S100A13: variants seen among roughly 807,000 people sequenced by gnomAD.
S100A13 encodes S100 calcium binding protein A13.
In S100A13, 6 loss-of-function variants were observed where a neutral mutation model predicts 8.2. That is an observed-to-expected ratio of 0.73 (90% CI 0.40 to 1.44). The LOEUF (loss-of-function observed/expected upper bound fraction) is 1.44, where lower values mean the gene tolerates loss of function less well. Ranked by LOEUF, S100A13 falls within the 40% of genes most tolerant of loss-of-function variation. S100A13 has a pLI of 0.02. For missense variants in S100A13, 114 were observed against 113.6 expected (o/e 1.00, Z -0.02); for synonymous variants, 39 against 45.9 (o/e 0.85, Z 0.61).
chr1:153,628,111 C>T (rs1259511184), upstream of S100A13: 3 of 1,548,634 alleles, frequency 1.9e-6, no homozygotes, highest in South Asian at 1.2e-5. Flanking sequence ...CAGCAGAATT[C>T]CCCCCTTACC....
In S100A13 at chr1:153,626,497, GTCC is replaced by G. The variant is rs1333077533; in HGVS notation, c.-28_-26del. 1 of 1,611,434 alleles carries G rather than the reference GTCC, an allele frequency of 6.2e-7. No homozygotes were observed. Among genetic ancestry groups the G allele is most frequent in the Non-Finnish European group, 8.5e-7 (1 of 1,177,912 alleles). On this transcript the variant is annotated 5_prime_UTR_variant, in exon 2 of 3. Transcript: ENST00000476133. ...TTAGGACCCTGAGGCCAAAGCTGAT[GTCC>G]TCAAGGGGCTAGCTGACCTTTGTCA... is the stretch of plus-strand genomic sequence containing the variant.
rs1369271458 is a variant in S100A13 at position 153,626,668 on chromosome 1, CA to C, written c.-61-136del. On this transcript the variant is annotated intron_variant, in intron 1 of 2. Coordinates refer to ENST00000476133, the MANE Select transcript of S100A13 (RefSeq NM_001024211.2). The stretch of plus-strand genomic sequence containing the variant: ...GGCATATGGGGAAAGAGGGAGAGGA[CA>C]GGGGTTGAGCTTGGGGCAGCAGACC... 2.4e-5 allele frequency: 13 copies of C among 546,642 alleles called. No homozygotes were observed. In the East Asian group the frequency reaches 3.8e-4, roughly 16 times the overall value. 33.9% of individuals were successfully genotyped at this position (546,642 alleles called of 1,614,324 possible). A position where few individuals can be genotyped will look rare whatever the true frequency, so the allele number is the denominator to read the frequency against.
intron 2 of S100A13, among the ~76,000 whole-genome samples, chr1:153,621,888 G>T (rs9330301): frequency 0.61 from 92,074 of 151,466 alleles, 28,621 homozygotes; most frequent in African/African-American, 0.73. Flanking sequence ...AAAAAAAATT[G>T]AAGTTCCATT....
At chr1:153,628,443 T>C (rs1262372144), upstream of S100A13, 18 of 1,550,592 alleles carry the variant, frequency 1.2e-5, no homozygotes, top group Non-Finnish European at 1.6e-5. Context: ...CAGCCACATT[T>C]GCAACCTTGG....
chr1:153,621,871 T>G (rs1343610629), intron 2 of S100A13, among the ~76,000 whole-genome samples: 4 of 136,776 alleles, frequency 2.9e-5, no homozygotes, highest in Non-Finnish European at 4.8e-5. Flanking sequence ...TCAAAAAAAT[T>G]AAAAAAAAAA....
intron 2 of S100A13, among the ~76,000 whole-genome samples, chr1:153,620,457 TAA>T (rs753773428): frequency 6.8e-5 from 6 of 88,002 alleles, no homozygotes; most frequent in Admixed American, 3.8e-4. Flanking sequence ...TGAGACTATC[TAA>T]AAAAAAAAAA....
chr1:153,626,260 C>T (rs1219027382), intron 2 of S100A13, 60 bp downstream of exon 2: 2 of 1,524,878 alleles, frequency 1.3e-6, no homozygotes, highest in Non-Finnish European at 1.8e-6. Context: ...CCATCACGTC[C>T]TAAACACAGT....
At chr1:153,620,456 C>CT (rs1553223275) in intron 2 of S100A13, among the ~76,000 whole-genome samples, 5 of 127,042 alleles carry the variant, frequency 3.9e-5, no homozygotes, top group Non-Finnish European at 6.4e-5. Flanking sequence ...GTGAGACTAT[C>CT]TAAAAAAAAA....
rs1196650064 is a variant in S100A13, at chr1:153,618,990, C to G, written c.202G>C (p.Asp68His). ...TACTCATTGAACTTGAGCTCCGAGT[C>G]CTGATTCACATCCAAGCTCTTCATC... ...EKMKSLDVNQDSELKFNEYWR... is the reference protein window; with the variant it reads ...EKMKSLDVNQHSELKFNEYWR... Residue 68 changes from aspartate to histidine, a missense_variant, in exon 3 of 3, where the codon GAC becomes CAC. Physicochemically the swap from Asp to His is moderately conservative, Grantham distance 81. Transcript: ENST00000476133. 2 of 1,613,870 alleles carry G rather than the reference C, an allele frequency of 1.2e-6. No individual in the cohort carries two copies. Among genetic ancestry groups the G allele is most frequent in the Non-Finnish European group, 8.5e-7 (1 of 1,179,800 alleles).
At chr1:153,629,803 C>T (rs374672170), upstream of S100A13, 2 of 152,382 alleles carry the variant, frequency 1.3e-5, no homozygotes, top group Non-Finnish European at 2.9e-5. Flanking sequence ...CTGCCACCCA[C>T]CAGATGGAAG....
chr1:153,631,979 C>A, upstream of S100A13: 1 of 949,488 alleles, frequency 1.1e-6, no homozygotes, highest in South Asian at 1.7e-5. Flanking sequence ...ACCAAGGGCG[C>A]AAGAGTAGCG....
At chr1:153,630,694 T>A, upstream of S100A13, 1 of 1,609,478 alleles carries the variant, frequency 6.2e-7, no homozygotes, top group Non-Finnish European at 8.5e-7. Flanking sequence ...GGGAGTGGAG[T>A]GGGTGAAGGT....
chr1:153,624,362 G>A (rs570274614), intron 2 of S100A13, among the ~76,000 whole-genome samples: 2 of 152,270 alleles, frequency 1.3e-5, no homozygotes, highest in Admixed American at 1.3e-4. Flanking sequence ...AAGCAGTGAT[G>A]AGAAGAAAAC....
intron 2 of S100A13, among the ~76,000 whole-genome samples, chr1:153,625,595 C>T (rs1181332565): frequency 6.6e-6 from 1 of 152,218 alleles, no homozygotes; most frequent in Non-Finnish European, 1.5e-5. Flanking sequence ...AAGCCCCTTT[C>T]CACTGCTAGG....
chr1:153,632,619 T>A (rs1024935363), upstream of S100A13, among the ~76,000 whole-genome samples: 1 of 152,098 alleles, frequency 6.6e-6, no homozygotes, highest in African/African-American at 2.4e-5. Context: ...TGGTACTATG[T>A]GTAAACACTG....
At chr1:153,622,532 C>T (rs1667336445) in intron 2 of S100A13, among the ~76,000 whole-genome samples, 1 of 152,176 alleles carries the variant, frequency 6.6e-6, no homozygotes, top group Admixed American at 6.5e-5. Flanking sequence ...AAGGATTGGG[C>T]TGGGCATAGT....
upstream of S100A13, chr1:153,630,273 C>A (rs1374859023): frequency 5.5e-6 from 3 of 546,758 alleles, no homozygotes; most frequent in Non-Finnish European, 9.5e-6. Context: ...CATGCCCCAA[C>A]CCTGATTCCC....
At chr1:153,625,323 T>G (rs1667543817) in intron 2 of S100A13, among the ~76,000 whole-genome samples, 1 of 152,232 alleles carries the variant, frequency 6.6e-6, no homozygotes. Flanking sequence ...GGAGTCCATA[T>G]TCACACACTT....
rs529894212 is a variant in S100A13, at chr1:153,621,795, T to G, written c.154-2757A>C. Among the ~76,000 whole-genome samples the G allele has an allele frequency of 3.1e-3, 460 of 148,500 alleles. 3 individuals are homozygous for G. The highest frequency in any genetic ancestry group is 0.011 in the African/African-American group (442 of 40,254). On this transcript the variant is annotated intron_variant, in intron 2 of 2. Coordinates refer to ENST00000476133, the MANE Select transcript of S100A13 (RefSeq NM_001024211.2). ...ATCGCTCGAACCCAAGAGGTGGAGG[T>G]TGCAGTGAGCCGAGATCACACCACT...
Sources: gnomAD v4.1 joint callset for allele counts (sites outside exome capture counted in the v4.1 genomes callset) on GRCh38, gnomAD v4.1.1 for gene constraint, MANE v1.5 for transcripts, NCBI Gene and HGNC (gene_info 2026-07-23, HGNC 2026-07-21) for gene names.